Variants in PPP2R2C observed in about 807,000 individuals in gnomAD.
PPP2R2C encodes the protein protein phosphatase 2 regulatory subunit Bgamma, also known as protein phosphatase 2, regulatory subunit B, gamma.
Under a neutral mutation model 45.3 loss-of-function variants are expected in PPP2R2C, and 10 were observed. The observed-to-expected ratio is 0.22, with a 90% confidence interval of 0.14 to 0.37. The LOEUF is 0.37. Ranked by LOEUF, PPP2R2C falls within the 10% of genes least tolerant of loss-of-function variation. The pLI is 1.00. For synonymous variants in PPP2R2C, 257 were observed against 245.4 expected (o/e 1.05, Z -0.44); for missense variants, 308 against 619.7 (o/e 0.50, Z 5.34).
At chr4:6,383,235 AC>A (rs1238753012) in intron 1 of PPP2R2C, 10 of 1,190,234 alleles carry the variant, frequency 8.4e-6, no homozygotes, top group South Asian at 3.0e-5. Context: ...GTGCAGAAGA[AC>A]CCCCCCAACC....
At chr4:6,385,339 C>T (rs1177427154) in intron 1 of PPP2R2C, among the ~76,000 whole-genome samples, 2 of 152,170 alleles carry the variant, frequency 1.3e-5, no homozygotes, top group Non-Finnish European at 2.9e-5. Flanking sequence ...TAAATGTCTT[C>T]AGGATTTGCC....
upstream of PPP2R2C, among the ~76,000 whole-genome samples, chr4:6,476,529 G>A (rs1323489257): frequency 2.0e-5 from 3 of 152,152 alleles, no homozygotes; most frequent in African/African-American, 7.2e-5. Context: ...AAATCAGGAA[G>A]CCCTCATCAG....
intron 1 of PPP2R2C, among the ~76,000 whole-genome samples, chr4:6,456,358 GAAATA>G (rs1721037473): frequency 6.8e-6 from 1 of 146,138 alleles, no homozygotes; most frequent in Admixed American, 7.0e-5. Context: ...TTTCTGTAAT[GAAATA>G]AAATAGAGAA....
intron 2 of PPP2R2C, among the ~76,000 whole-genome samples, chr4:6,495,800 G>T (rs756683789): frequency 7.2e-5 from 11 of 152,236 alleles, no homozygotes; most frequent in Non-Finnish European, 1.6e-4. Flanking sequence ...TTTGCGTGGT[G>T]TATGAGTTCC....
intron 5 of PPP2R2C, among the ~76,000 whole-genome samples, chr4:6,371,076 G>T (rs1295862374): frequency 6.6e-6 from 1 of 152,192 alleles, no homozygotes; most frequent in East Asian, 1.9e-4. Context: ...ACACATAGGG[G>T]CTCACTGACG....
At chr4:6,550,434 AC>A (rs1302165983) in intron 1 of PPP2R2C, among the ~76,000 whole-genome samples, 1 of 151,822 alleles carries the variant, frequency 6.6e-6, no homozygotes, top group African/African-American at 2.4e-5. Context: ...ACAGAACTTC[AC>A]CCTTCACTAA....
chr4:6,418,929 G>C (rs1718783231), intron 1 of PPP2R2C, among the ~76,000 whole-genome samples: 1 of 152,224 alleles, frequency 6.6e-6, no homozygotes, highest in African/African-American at 2.4e-5. Context: ...AGAGACAGGA[G>C]GCGGGCACCA....
intron 1 of PPP2R2C, among the ~76,000 whole-genome samples, chr4:6,551,580 G>T (rs1336215151): frequency 6.6e-6 from 1 of 152,192 alleles, no homozygotes; most frequent in Non-Finnish European, 1.5e-5. Context: ...ACCAAAAGCT[G>T]GGCATCAAAG....
chr4:6,401,633 C>G (rs1286513354), intron 1 of PPP2R2C, among the ~76,000 whole-genome samples: 1 of 152,144 alleles, frequency 6.6e-6, no homozygotes, highest in East Asian at 1.9e-4. Flanking sequence ...CCACCCTCCT[C>G]TGTGTGATCT....
chr4:6,426,245 C>G (rs4689002), intron 1 of PPP2R2C, among the ~76,000 whole-genome samples: 36,136 of 152,192 alleles, frequency 0.24, 5,181 homozygotes, highest in Admixed American at 0.41. Context: ...ATCACCCTAG[C>G]CAGCTGGGCA....
Position 6,375,946 on chromosome 4 carries a change from C to A in PPP2R2C, c.335-15G>T. The A allele has an allele frequency of 1.3e-6, 2 of 1,591,470 alleles. No homozygotes were observed. Among genetic ancestry groups the A allele is most frequent in the Non-Finnish European group, 1.7e-6 (2 of 1,160,954 alleles). On this transcript the variant is annotated splice_polypyrimidine_tract_variant and intron_variant, in intron 3 of 8. Coordinates refer to ENST00000382599, the MANE Select transcript of PPP2R2C (RefSeq NM_020416.4). ...GATAGTTTTATCTTTAAAAACAGAA[C>A]AAAATAAAGCGAGTCACATAATTAA...
At position 6,480,855 on chromosome 4, in the gene PPP2R2C, G is replaced by A. The variant is rs1233350505; in HGVS notation, c.49+54416C>T. On this transcript the variant is annotated intron_variant, in intron 2 of 9. Coordinates refer to the PPP2R2C transcript ENST00000506140. Reference sequence around the variant, plus strand: ...AATAGACTTAAATTCATGTGAAGTTGATGGGTGAACGGGTATGTGATGATT... The same window carrying A: ...AATAGACTTAAATTCATGTGAAGTTAATGGGTGAACGGGTATGTGATGATT... Among the ~76,000 whole-genome samples the A allele has an allele frequency of 2.0e-5, 3 of 152,240 alleles. 1 individual carries two copies. Among genetic ancestry groups the A allele is most frequent in the African/African-American group, 7.2e-5 (3 of 41,466 alleles).
intron 2 of PPP2R2C, among the ~76,000 whole-genome samples, chr4:6,510,054 C>T (rs1217104919): frequency 5.9e-5 from 9 of 152,350 alleles, no homozygotes; most frequent in Admixed American, 3.3e-4. Flanking sequence ...TCACCTGCAA[C>T]TTCAGACTGG....
At chr4:6,441,310 T>C (rs1005806487) in intron 1 of PPP2R2C, among the ~76,000 whole-genome samples, 1 of 152,008 alleles carries the variant, frequency 6.6e-6, no homozygotes, top group Non-Finnish European at 1.5e-5. Context: ...GACACCACAG[T>C]GACCCTTCTA....
Position 6,472,151 on chromosome 4 carries a change from G to T in PPP2R2C, c.70+9C>A. 1 of 1,613,524 alleles carries T rather than the reference G, an allele frequency of 6.2e-7. No homozygotes were observed. The highest frequency in any genetic ancestry group is 1.3e-5 in the African/African-American group (1 of 75,024). Reference sequence around the variant, plus strand: ...CGGCCGGAGGGGTCTCAGACAACACGTACGTTACCTTCAGTCACATAGCTG... The same window carrying T: ...CGGCCGGAGGGGTCTCAGACAACACTTACGTTACCTTCAGTCACATAGCTG... On this transcript the variant is annotated intron_variant, in intron 1 of 8. Coordinates refer to ENST00000382599, the MANE Select transcript of PPP2R2C (RefSeq NM_020416.4).
At chr4:6,467,935 G>A in intron 1 of PPP2R2C, among the ~76,000 whole-genome samples, 1 of 152,130 alleles carries the variant, frequency 6.6e-6, no homozygotes, top group Non-Finnish European at 1.5e-5. Flanking sequence ...CCAACTACCT[G>A]TGGTTCTCCC....
At chr4:6,385,165 G>A (rs903020363) in intron 1 of PPP2R2C, among the ~76,000 whole-genome samples, 11 of 152,196 alleles carry the variant, frequency 7.2e-5, no homozygotes, top group South Asian at 2.1e-4. Context: ...GGATCTGGGC[G>A]CCCAACCTCA....
chr4:6,447,136 G>C (rs1720465498), intron 1 of PPP2R2C, among the ~76,000 whole-genome samples: 1 of 152,214 alleles, frequency 6.6e-6, no homozygotes, highest in Non-Finnish European at 1.5e-5. Flanking sequence ...CTGGGGAGCT[G>C]GCCTGGCTCT....
chr4:6,383,674 G>C (rs1456715772), intron 1 of PPP2R2C: 2 of 561,356 alleles, frequency 3.6e-6, no homozygotes, highest in Non-Finnish European at 5.1e-6. Flanking sequence ...GACCATCCCT[G>C]CCCCAACCTA....
Sources: allele counts gnomAD v4.1 joint callset (sites outside exome capture counted in the v4.1 genomes callset), GRCh38; gene constraint gnomAD v4.1.1; transcripts MANE v1.5; gene names NCBI Gene and HGNC (gene_info 2026-07-23, HGNC 2026-07-21).